Variants in DOCK5 observed in about 807,000 individuals in gnomAD.
DOCK5 encodes the protein dedicator of cytokinesis protein 5.
DOCK5 carries 142 observed loss-of-function variants against 251.8 expected under a neutral mutation model. That is an observed-to-expected ratio of 0.56 (90% confidence interval 0.49 to 0.65). The LOEUF is 0.65. Among genes scored for constraint, DOCK5 ranks in the 30% least tolerant of loss-of-function variants. DOCK5 has a pLI of 0.00. For missense variants in DOCK5, 2,111 were observed against 2,312.3 expected (o/e 0.91, Z 1.79); for synonymous variants, 842 against 835.5 (o/e 1.01, Z -0.13).
chr8:25,332,571 C>A, intron 19 of DOCK5, 32 bp from the exon 20 acceptor site: 2 of 1,560,574 alleles, frequency 1.3e-6, no homozygotes, highest in South Asian at 1.2e-5. Context: ...ATGAAAGCAT[C>A]AAAATAACCT....
intron 1 of DOCK5, among the ~76,000 whole-genome samples, chr8:25,232,176 T>C (rs1441183734): frequency 6.6e-6 from 1 of 152,196 alleles, no homozygotes; most frequent in Non-Finnish European, 1.5e-5. Flanking sequence ...TCTTTTCTCC[T>C]AACTATGAGT....
chr8:25,204,306 T>C (rs1213710092), intron 1 of DOCK5, among the ~76,000 whole-genome samples: 1 of 152,156 alleles, frequency 6.6e-6, no homozygotes, highest in Non-Finnish European at 1.5e-5. Flanking sequence ...TGGGGGATAG[T>C]GCATGGAGTG....
At chr8:25,289,812 A>C (rs922719635) in intron 5 of DOCK5, among the ~76,000 whole-genome samples, 4 of 152,122 alleles carry the variant, frequency 2.6e-5, no homozygotes, top group Non-Finnish European at 5.9e-5. Flanking sequence ...ATTGCACTCT[A>C]GCCTGGGCAA....
chr8:25,335,622 C>T (rs925599939), intron 21 of DOCK5, among the ~76,000 whole-genome samples: 3 of 152,060 alleles, frequency 2.0e-5, no homozygotes, highest in Non-Finnish European at 4.4e-5. Context: ...TTTAAAATAT[C>T]AGTGCCCTCC....
chr8:25,278,498 G>A, intron 4 of DOCK5, 71 bp from the exon 5 acceptor site: 1 of 1,474,950 alleles, frequency 6.8e-7, no homozygotes, highest in Admixed American at 1.8e-5. Flanking sequence ...ACGTTGGGAA[G>A]TCTGATCCCC....
chr8:25,392,390 A>C (rs1459502952), intron 43 of DOCK5, among the ~76,000 whole-genome samples: 3 of 151,714 alleles, frequency 2.0e-5, no homozygotes. Flanking sequence ...AAACGATGGC[A>C]CCCCTGGGAA....
At position 25,364,813 on chromosome 8, in the gene DOCK5, G is replaced by A. The variant is rs188623084; in HGVS notation, c.3123+109G>A. 5.4e-4 allele frequency: 426 copies of A among 782,776 alleles called. 2 individuals carry two copies. In the African/African-American group the frequency reaches 7.2e-3, roughly 13 times the overall value. 48.5% of individuals were successfully genotyped at this position (782,776 alleles called of 1,614,324 possible). On this transcript the variant is annotated intron_variant, in intron 30 of 51. Coordinates refer to ENST00000276440, the MANE Select transcript of DOCK5 (RefSeq NM_024940.8). Reference sequence around the variant, plus strand: ...ATTTCACTGTTTTCACATGAAAAAGGTTTTCCTGTGTTTTTTCATTTCCTA... The same window carrying A: ...ATTTCACTGTTTTCACATGAAAAAGATTTTCCTGTGTTTTTTCATTTCCTA...
chr8:25,310,520 A>G lies in DOCK5; in HGVS notation c.1306A>G (p.Ile436Val). ...AGCCCGGAAGATGGGCTTTCCTGAA[A>G]TCATACTGCCAGGTAAGCACTTTGC... Reference protein sequence around the residue: ...AIARKMGFPEIILPGDVRNDI... With the variant: ...AIARKMGFPEVILPGDVRNDI... Residue 436 changes from isoleucine (I) to valine (V), a missense_variant, in exon 13 of 52, where the codon ATC becomes GTC. Physicochemically the swap from Ile to Val is conservative, Grantham distance 29 (BLOSUM62 3). Coordinates refer to ENST00000276440, the MANE Select transcript of DOCK5 (RefSeq NM_024940.8). The G allele has an allele frequency of 6.2e-7, 1 of 1,611,350 alleles. No homozygotes were observed. Among genetic ancestry groups the G allele is most frequent in the Non-Finnish European group, 8.5e-7 (1 of 1,178,914 alleles).
intron 16 of DOCK5, among the ~76,000 whole-genome samples, chr8:25,322,535 T>G (rs1298477100): frequency 5.9e-5 from 9 of 152,224 alleles, no homozygotes; most frequent in Non-Finnish European, 4.4e-5. Context: ...TGGCCAAATA[T>G]CAGCCATTTC....
At position 25,382,791 on chromosome 8, in the gene DOCK5, A is replaced by C. The variant is rs778302843; in HGVS notation, c.4131+13A>C. On this transcript the variant is annotated intron_variant, in intron 40 of 51. Transcript: ENST00000276440. ...TTCTTTCCTACGGGTAAGAAACCTGATGGTGGTCTCCCAGGCCATTAGGAG... is the reference window on the plus strand; with the variant it reads ...TTCTTTCCTACGGGTAAGAAACCTGCTGGTGGTCTCCCAGGCCATTAGGAG... 1.9e-6 allele frequency: 3 copies of C among 1,599,310 alleles called. No individual in the cohort carries two copies.
At chr8:25,189,417 G>A (rs1365636641) in intron 1 of DOCK5, among the ~76,000 whole-genome samples, 1 of 152,044 alleles carries the variant, frequency 6.6e-6, no homozygotes, top group Non-Finnish European at 1.5e-5. Flanking sequence ...ATAGAGTGCA[G>A]TGGCAAAATC....
At chr8:25,343,939 G>A (rs1177127472) in intron 25 of DOCK5, among the ~76,000 whole-genome samples, 1 of 152,166 alleles carries the variant, frequency 6.6e-6, no homozygotes, top group Non-Finnish European at 1.5e-5. Context: ...CCAAGTAGCT[G>A]GGATTACAGG....
intron 30 of DOCK5, among the ~76,000 whole-genome samples, chr8:25,366,088 G>A (rs893527626): frequency 6.6e-6 from 1 of 151,938 alleles, no homozygotes; most frequent in African/African-American, 2.4e-5. Flanking sequence ...TTCTATGACT[G>A]GTCCATGATG....
At chr8:25,188,690 T>G (rs1801493159) in intron 1 of DOCK5, among the ~76,000 whole-genome samples, 1 of 152,192 alleles carries the variant, frequency 6.6e-6, no homozygotes, top group Admixed American at 6.5e-5. Flanking sequence ...TTTCTGTGTG[T>G]TATCAAGTGA....
intron 1 of DOCK5, among the ~76,000 whole-genome samples, chr8:25,240,959 A>C (rs576471533): frequency 6.6e-6 from 1 of 152,242 alleles, no homozygotes; most frequent in Admixed American, 6.5e-5. Flanking sequence ...ACTTGCAGTC[A>C]CATCAGTTCA....
intron 1 of DOCK5, among the ~76,000 whole-genome samples, chr8:25,198,418 A>G (rs1801788013): frequency 6.6e-6 from 1 of 152,124 alleles, no homozygotes; most frequent in African/African-American, 2.4e-5. Context: ...CTAAAAATAC[A>G]AAAATTAGCT....
rs1157596554 is a variant in DOCK5, at chr8:25,304,298, A to G, written c.1020A>G (p.Glu340=). 12 of 1,610,922 alleles carry G rather than the reference A, an allele frequency of 7.4e-6. No individual in the cohort carries two copies. Among genetic ancestry groups the G allele is most frequent in the Non-Finnish European group, 1.0e-5 (12 of 1,178,656 alleles). The change falls in exon 11 of 52, where the codon GAA becomes GAG. Residue 340 remains glutamate (E), a synonymous_variant. Transcript: ENST00000276440. ...TCATACATGGGAAGGTGGATGATGA[A>G]GAAAAGCAGCATTTTATTCCCTTTC... ...TDIIHGKVDD[E]EKQHFIPFQQ...
intron 22 of DOCK5, among the ~76,000 whole-genome samples, chr8:25,337,518 A>C (rs1805845023): frequency 6.6e-6 from 1 of 152,040 alleles, no homozygotes. Flanking sequence ...AATGAATGTG[A>C]AAGTATGTAC....
At chr8:25,246,736 GT>G (rs1803126389) in intron 2 of DOCK5, among the ~76,000 whole-genome samples, 10 of 145,564 alleles carry the variant, frequency 6.9e-5, no homozygotes, top group Admixed American at 6.0e-4. Flanking sequence ...GTGTGTGTGT[GT>G]GTGTGTGTGT....
Sources: gnomAD v4.1 joint callset for allele counts (sites outside exome capture counted in the v4.1 genomes callset) on GRCh38, gnomAD v4.1.1 for gene constraint, MANE v1.5 for transcripts, NCBI Gene and HGNC (gene_info 2026-07-23, HGNC 2026-07-21) for gene names.